ESR1: variants seen among roughly 807,000 people sequenced by gnomAD.
ESR1 encodes the protein estrogen receptor 1, also known as estrogen receptor.
A neutral mutation model predicts 52.7 loss-of-function variants in ESR1; 12 were observed. The ratio of observed to expected loss-of-function variants is 0.23; its 90% CI spans 0.15 to 0.37. The LOEUF (loss-of-function observed/expected upper bound fraction) is 0.37. Ranked by LOEUF, ESR1 falls within the 10% of genes least tolerant of loss-of-function variation. The probability of loss-of-function intolerance (pLI) is 1.00; values close to 1 mark genes in which losing one functional copy is unlikely to be tolerated. For synonymous variants in ESR1, 305 were observed against 316.8 expected, an observed-to-expected ratio of 0.96 and a Z score of 0.39; for missense variants, 584 against 779.7, an observed-to-expected ratio of 0.75 and a Z score of 2.99.
chr6:151,971,376 A>G (rs1456714763), intron 4 of ESR1, among the ~76,000 whole-genome samples: 1 of 151,958 alleles, frequency 6.6e-6, no homozygotes, highest in Non-Finnish European at 1.5e-5. Flanking sequence ...CCCAAAGTCC[A>G]TTGTATCATT....
chr6:151,914,831 G>A lies in ESR1; in HGVS notation c.761-29342G>A, dbSNP rs147232658. On this transcript the variant is annotated intron_variant, in intron 3 of 7. Transcript: ENST00000206249. ...AAGGTAATTCTTGTCCTTTTAAAAA[G>A]TATACACTTTTGAGTTCAGGACACG... Among the ~76,000 whole-genome samples, 54 of 152,246 alleles carry A rather than the reference G, an allele frequency of 3.5e-4. No individual in the cohort carries two copies. The East Asian group carries it at 7.5e-3, about 21-fold the overall frequency.
intron 3 of ESR1, among the ~76,000 whole-genome samples, chr6:151,890,919 T>C (rs1479990912): frequency 6.6e-6 from 1 of 152,140 alleles, no homozygotes; most frequent in Non-Finnish European, 1.5e-5. Flanking sequence ...TATAACAGGG[T>C]CTTGTTTTTT....
intron 6 of ESR1, among the ~76,000 whole-genome samples, chr6:152,066,189 C>A (rs549852981): frequency 2.0e-5 from 3 of 152,302 alleles, no homozygotes; most frequent in African/African-American, 7.2e-5. Flanking sequence ...TGATCAGAAG[C>A]CACTCTCTGG....
intron 1 of ESR1, among the ~76,000 whole-genome samples, chr6:151,837,833 A>T (rs1044248441): frequency 6.6e-6 from 1 of 152,154 alleles, no homozygotes; most frequent in Non-Finnish European, 1.5e-5. Context: ...ACAAGGAAGG[A>T]GGTATCTTAG....
At chr6:152,122,443 G>A (rs1334766074) in intron 6 of ESR1, 1 of 1,614,162 alleles carries the variant, frequency 6.2e-7, no homozygotes, top group Non-Finnish European at 8.5e-7. Flanking sequence ...AGTTCAGAGT[G>A]GAGGAGGGCC....
chr6:151,784,458 G>A (rs575708), intron 2 of ESR1, among the ~76,000 whole-genome samples: 1,581 of 152,194 alleles, frequency 0.01, 19 homozygotes, highest in Non-Finnish European at 0.017. Context: ...AAGTCAACAG[G>A]ATAAAATATT....
At chr6:151,852,538 A>G (rs767855895) in intron 2 of ESR1, among the ~76,000 whole-genome samples, 2 of 152,202 alleles carry the variant, frequency 1.3e-5, no homozygotes, top group African/African-American at 2.4e-5. Flanking sequence ...CTTACAATTC[A>G]GAAAGAACAT....
chr6:151,818,646 T>C (rs1780050585), intron 1 of ESR1, among the ~76,000 whole-genome samples: 1 of 152,136 alleles, frequency 6.6e-6, no homozygotes, highest in Admixed American at 6.5e-5. Context: ...AAGTTTCCTC[T>C]CAGATGTCTG....
intron 3 of ESR1, among the ~76,000 whole-genome samples, chr6:151,933,001 G>C (rs2033878229): frequency 6.6e-6 from 1 of 152,076 alleles, no homozygotes; most frequent in Non-Finnish European, 1.5e-5. Flanking sequence ...AAAGATATTG[G>C]TAGCTTGATG....
rs1435739191 is a variant in ESR1 at position 152,020,586 on chromosome 6, G to C, written c.1235+8792G>C. Reference sequence around the variant, plus strand: ...GTGCCTCAGCCTACAGAGTAGTTGGGATTACACGCATGCGCCATCATGCCT... The same window carrying C: ...GTGCCTCAGCCTACAGAGTAGTTGGCATTACACGCATGCGCCATCATGCCT... On this transcript the variant is annotated intron_variant, in intron 5 of 7. Coordinates refer to ENST00000206249, the MANE Select transcript of ESR1 (RefSeq NM_000125.4). 2.0e-5 allele frequency among the ~76,000 whole-genome samples: 3 copies of C among 152,044 alleles called. 1 individual carries two copies. The highest frequency in any genetic ancestry group is 4.4e-5 in the Non-Finnish European group (3 of 68,024).
chr6:151,729,415 G>T (rs539390821), intron 2 of ESR1, among the ~76,000 whole-genome samples: 198 of 152,276 alleles, frequency 1.3e-3, no homozygotes, highest in Middle Eastern at 3.4e-3. Context: ...ATTATTTATT[G>T]TGAGTTCTAT....
At chr6:152,041,733 T>G (rs184178651) in intron 5 of ESR1, among the ~76,000 whole-genome samples, 3 of 152,214 alleles carry the variant, frequency 2.0e-5, no homozygotes, top group African/African-American at 4.8e-5. Context: ...CCAACAAGAT[T>G]ATGACACAAA....
At chr6:151,806,678 G>A (rs1445579085), upstream of ESR1, among the ~76,000 whole-genome samples, 1 of 151,680 alleles carries the variant, frequency 6.6e-6, no homozygotes, top group Admixed American at 6.6e-5. Context: ...CAAGTGAACC[G>A]AGAAGATCGA....
intron 1 of ESR1, among the ~76,000 whole-genome samples, chr6:151,657,506 G>T (rs1031270084): frequency 6.6e-6 from 1 of 152,172 alleles, no homozygotes; most frequent in Non-Finnish European, 1.5e-5. Context: ...GTTGGATAAT[G>T]TTGCTGTACT....
intron 4 of ESR1, among the ~76,000 whole-genome samples, chr6:151,994,874 A>G (rs1351139185): frequency 6.6e-6 from 1 of 152,222 alleles, no homozygotes; most frequent in Non-Finnish European, 1.5e-5. Context: ...TTGAGAAATT[A>G]TCATTGGAAA....
At chr6:151,862,980 A>G (rs1789167409) in intron 2 of ESR1, among the ~76,000 whole-genome samples, 1 of 152,164 alleles carries the variant, frequency 6.6e-6, no homozygotes, top group Non-Finnish European at 1.5e-5. Context: ...AATACACAAG[A>G]TTAAATGTTA....
At chr6:151,904,522 A>G (rs1283564880) in intron 3 of ESR1, among the ~76,000 whole-genome samples, 1 of 152,114 alleles carries the variant, frequency 6.6e-6, no homozygotes, top group Non-Finnish European at 1.5e-5. Flanking sequence ...ATTCCCTATA[A>G]ATTATTAGTT....
At chr6:151,997,579 A>G (rs1010357173) in intron 4 of ESR1, among the ~76,000 whole-genome samples, 3 of 152,164 alleles carry the variant, frequency 2.0e-5, no homozygotes, top group Non-Finnish European at 4.4e-5. Context: ...TTGGGAGGAA[A>G]ATAAGCCCTA....
intron 3 of ESR1, among the ~76,000 whole-genome samples, chr6:151,930,055 C>T (rs2033363762): frequency 6.6e-6 from 1 of 151,444 alleles, no homozygotes; most frequent in Admixed American, 6.6e-5. Context: ...GCGATCTTGG[C>T]TTACCGCAAC....
Sources: allele counts gnomAD v4.1 joint callset (sites outside exome capture counted in the v4.1 genomes callset), GRCh38; gene constraint gnomAD v4.1.1; transcripts MANE v1.5; gene names NCBI Gene and HGNC (gene_info 2026-07-23, HGNC 2026-07-21).